The following TCF25 variants were observed in gnomAD, a reference collection of about 807,000 sequenced individuals.
TCF25 encodes ribosome quality control complex subunit TCF25.
In TCF25, 41 loss-of-function variants were observed where a neutral mutation model predicts 83.1. That is an observed-to-expected ratio of 0.49 (90% CI 0.38 to 0.64). The LOEUF is 0.64. TCF25 is among the 30% of genes least tolerant of loss of function. The pLI, the probability that TCF25 is intolerant of heterozygous loss-of-function variation, is 0.00. For missense variants in TCF25, 979 were observed against 914.5 expected (o/e 1.07, Z -0.91); for synonymous variants, 458 against 365.0 (o/e 1.25, Z -2.90).
chr16:89,882,982 G>A (rs766592217), intron 1 of TCF25, among the ~76,000 whole-genome samples: 10 of 152,336 alleles, frequency 6.6e-5, no homozygotes, highest in Middle Eastern at 3.4e-3. Context: ...GAGGAGAAAG[G>A]AGGAAGAAGG....
Position 89,898,782 on chromosome 16 carries a change from G to C in TCF25, c.1131G>C (p.Glu377Asp), listed in dbSNP as rs1489260902. ...CCTCCGGAAGTCTCGAGCCGGATGA[G>C]GACCCCCTCTGCATGCTGCTGCTCA... is the stretch of plus-strand genomic sequence containing the variant. ...CKLILSLEPD[E>D]DPLCMLLLID... is the part of the protein sequence containing the mutation. The change falls in exon 11 of 18, where the codon GAG becomes GAC. Residue 377 changes from glutamate to aspartate, a missense_variant. By Grantham distance (45) the Glu-to-Asp change is conservative (BLOSUM62 2). Transcript: ENST00000263346. 6.2e-7 allele frequency: 1 copy of C among 1,613,848 alleles called. No homozygotes were observed. The highest frequency in any genetic ancestry group is 8.5e-7 in the Non-Finnish European group (1 of 1,180,040).
intron 3 of TCF25, 122 bp from the exon 4 acceptor site, chr16:89,885,726 G>A: frequency 1.2e-6 from 1 of 804,434 alleles, no homozygotes; most frequent in Non-Finnish European, 2.1e-6. Context: ...TTTGACTTAT[G>A]CTGTCCTTTA....
At chr16:89,901,044 A>C (rs1240404039) in intron 12 of TCF25, 3 of 407,526 alleles carry the variant, frequency 7.4e-6, no homozygotes, top group African/African-American at 1.9e-5. Flanking sequence ...TGTGTTCTAG[A>C]GTGCAGAGAC....
intron 1 of TCF25, among the ~76,000 whole-genome samples, chr16:89,882,131 G>A (rs1309313513): frequency 6.6e-6 from 1 of 152,272 alleles, no homozygotes; most frequent in East Asian, 1.9e-4. Context: ...CCTCCAATCT[G>A]TATGTGAATG....
At chr16:89,875,790 G>A (rs1053627219) in intron 1 of TCF25, among the ~76,000 whole-genome samples, 1 of 147,918 alleles carries the variant, frequency 6.8e-6, no homozygotes, top group Admixed American at 6.7e-5. Context: ...CCAAAGTGCT[G>A]GGATTACAGG....
chr16:89,906,366 G>C, intron 15 of TCF25, 82 bp downstream of exon 15: 1 of 1,388,140 alleles, frequency 7.2e-7, no homozygotes, highest in Middle Eastern at 1.8e-4. Context: ...TCCACATGCA[G>C]GCGTGCGTGG....
At chr16:89,897,039 AAAGAAG>A (rs59611764) in intron 9 of TCF25, among the ~76,000 whole-genome samples, 3 of 151,794 alleles carry the variant, frequency 2.0e-5, no homozygotes, top group Admixed American at 6.6e-5. Context: ...AAAAAAAAAA[AAAGAAG>A]AAGAAGAAGA....
chr16:89,879,335 A>G (rs2042434559), intron 1 of TCF25, among the ~76,000 whole-genome samples: 1 of 149,704 alleles, frequency 6.7e-6, no homozygotes, highest in African/African-American at 2.5e-5. Context: ...TCGTGTACAC[A>G]GACGGGCTCC....
chr16:89,897,204 C>T (rs2043930887), intron 9 of TCF25, among the ~76,000 whole-genome samples: 1 of 152,220 alleles, frequency 6.6e-6, no homozygotes, highest in Non-Finnish European at 1.5e-5. Flanking sequence ...TCAGAGTCAG[C>T]CTGACCCTCG....
At position 89,898,806 on chromosome 16, in the gene TCF25, C is replaced by T; in HGVS notation, c.1155C>T (p.Leu385=). The change falls in exon 11 of 18, where the codon CTC becomes CTT. Residue 385 remains leucine, a synonymous_variant. Coordinates refer to ENST00000263346, the MANE Select transcript of TCF25 (RefSeq NM_014972.3). ...AGGACCCCCTCTGCATGCTGCTGCT[C>T]ATCGACCACCTGGCCTTGCGGGCCC... The part of the protein sequence containing the change: ...PDEDPLCMLL[L]IDHLALRARN... The T allele has an allele frequency of 6.2e-6, 10 of 1,613,928 alleles. No individual in the cohort carries two copies. The highest frequency in any genetic ancestry group is 8.5e-6 in the Non-Finnish European group (10 of 1,180,052).
chr16:89,894,058 T>A (rs932126275), intron 7 of TCF25, among the ~76,000 whole-genome samples, 200 bp downstream of exon 7: 10 of 152,094 alleles, frequency 6.6e-5, no homozygotes, highest in Non-Finnish European at 2.9e-5. Flanking sequence ...GCGAGCTCCA[T>A]CCATACTCAG....
At chr16:89,909,346 C>T (rs2045347047) in intron 16 of TCF25, 3 of 353,550 alleles carry the variant, frequency 8.5e-6, no homozygotes, top group Non-Finnish European at 1.6e-5. Context: ...CCCGTCTCTA[C>T]TAAAATACAA....
chr16:89,887,592 T>C lies in TCF25; in HGVS notation c.549-60T>C, dbSNP rs910658425. 9 of 1,478,848 alleles carry C rather than the reference T, an allele frequency of 6.1e-6. No homozygotes were observed. In the African/African-American group the frequency reaches 1.3e-4, roughly 21 times the overall value. The allele number at this position is 1,478,848 out of a possible 1,614,324, so 91.6% of individuals were successfully genotyped here. On this transcript the variant is annotated intron_variant, in intron 4 of 17. Transcript: ENST00000263346. ...TGACTATTAGGTGGCTTTCTGAAGC[T>C]TTTGGAATCGTCTTAGAACATAATT... is the stretch of plus-strand genomic sequence containing the variant.
intron 14 of TCF25, 141 bp downstream of exon 14, chr16:89,905,237 C>G: frequency 8.2e-7 from 1 of 1,220,760 alleles, no homozygotes; most frequent in Non-Finnish European, 1.1e-6. Flanking sequence ...GTGGAGCCTA[C>G]AAGACAGCGC....
intron 8 of TCF25, among the ~76,000 whole-genome samples, chr16:89,895,690 C>T (rs1021798480): frequency 1.3e-5 from 2 of 152,248 alleles, no homozygotes; most frequent in African/African-American, 2.4e-5. Flanking sequence ...AGCATGCACA[C>T]GCAGTCTTAG....
chr16:89,876,798 G>A (rs1320056349), intron 1 of TCF25, among the ~76,000 whole-genome samples: 2 of 152,048 alleles, frequency 1.3e-5, no homozygotes, highest in Non-Finnish European at 2.9e-5. Context: ...GTGTGGCGGC[G>A]GGAGCCTATA....
intron 5 of TCF25, among the ~76,000 whole-genome samples, chr16:89,888,080 C>T (rs892261487): frequency 2.6e-5 from 4 of 151,172 alleles, no homozygotes; most frequent in Non-Finnish European, 5.9e-5. Context: ...AGCTGGGCAA[C>T]ATAGTGAAAC....
At chr16:89,904,280 G>A in intron 13 of TCF25, 75 bp downstream of exon 13, 1 of 1,475,286 alleles carries the variant, frequency 6.8e-7, no homozygotes, top group Non-Finnish European at 9.3e-7. Context: ...CACTCATCCT[G>A]AGAGGCCCTG....
chr16:89,897,113 G>T (rs2043923789), intron 9 of TCF25, among the ~76,000 whole-genome samples: 1 of 152,154 alleles, frequency 6.6e-6, no homozygotes, highest in Non-Finnish European at 1.5e-5. Flanking sequence ...TTCCTTCTAT[G>T]TTTGGCTGAG....
Sources: allele counts gnomAD v4.1 joint callset (sites outside exome capture counted in the v4.1 genomes callset), GRCh38; gene constraint gnomAD v4.1.1; transcripts MANE v1.5; gene names NCBI Gene and HGNC (gene_info 2026-07-23, HGNC 2026-07-21).